DARS1: variants seen among roughly 807,000 people sequenced by gnomAD.
The protein encoded by DARS1 is aspartyl-tRNA synthetase 1.
Under a neutral mutation model 68.8 loss-of-function variants are expected in DARS1, and 51 were observed. The observed-to-expected ratio is 0.74, with a 90% CI of 0.59 to 0.94. DARS1 has a LOEUF of 0.94. Ranked by LOEUF, DARS1 falls within the 40% of genes least tolerant of loss-of-function variation. The pLI, the probability that DARS1 is intolerant of heterozygous loss-of-function variation, is 0.00. For synonymous variants in DARS1, 203 were observed against 190.4 expected (o/e 1.07, Z -0.55); for missense variants, 607 against 597.3 (o/e 1.02, Z -0.17).
At chr2:135,975,619 C>A (rs1682479903) in intron 3 of DARS1, among the ~76,000 whole-genome samples, 1 of 151,708 alleles carries the variant, frequency 6.6e-6, no homozygotes, top group South Asian at 2.1e-4. Flanking sequence ...CATGGTGAGA[C>A]CCTTGTCTCT....
intron 6 of DARS1, 121 bp from the exon 7 acceptor site, chr2:135,932,963 A>G: frequency 1.8e-6 from 1 of 570,302 alleles, no homozygotes; most frequent in South Asian, 2.5e-5. Flanking sequence ...CGTTAATATT[A>G]TGCCCGAAAA....
At chr2:135,975,062 C>T (rs940389845) in intron 3 of DARS1, among the ~76,000 whole-genome samples, 2 of 152,000 alleles carry the variant, frequency 1.3e-5, no homozygotes, top group Admixed American at 6.6e-5. Flanking sequence ...AACAATGATG[C>T]GGCCGGGCAT....
In DARS1 at chr2:135,909,330, C is replaced by A. The variant is rs187778429; in HGVS notation, c.1414+1809G>T. Among the ~76,000 whole-genome samples the A allele has an allele frequency of 3.4e-3, 510 of 152,096 alleles. 3 individuals are homozygous for A. The highest frequency in any genetic ancestry group is 0.027 in the South Asian group (132 of 4,804). ...CCATATGTAACGACCTTAACTGGTG[C>A]TATTTATTTTTAAAATTTTGCCCAG... is the stretch of plus-strand genomic sequence containing the variant. On this transcript the variant is annotated intron_variant, in intron 15 of 15. Coordinates refer to ENST00000264161, the MANE Select transcript of DARS1 (RefSeq NM_001349.4).
chr2:135,969,265 A>G (rs1682311745), intron 3 of DARS1, among the ~76,000 whole-genome samples: 1 of 152,192 alleles, frequency 6.6e-6, no homozygotes, highest in South Asian at 2.1e-4. Flanking sequence ...AAAGTATAAC[A>G]AGACATATTA....
chr2:135,970,593 GAACT>G (rs942754247), intron 3 of DARS1, among the ~76,000 whole-genome samples: 4 of 151,610 alleles, frequency 2.6e-5, no homozygotes, highest in Admixed American at 6.6e-5. Context: ...AAAATCAGAA[GAACT>G]AATAAAGATC....
intron 2 of DARS1, 90 bp from the exon 3 acceptor site, chr2:135,979,456 A>C (rs184020000): frequency 2.7e-6 from 2 of 730,242 alleles, no homozygotes; most frequent in East Asian, 2.7e-5. Context: ...GACAGCTAGC[A>C]TAAGTACTTG....
At chr2:135,937,549 T>C (rs1193952404) in intron 5 of DARS1, among the ~76,000 whole-genome samples, 4 of 152,192 alleles carry the variant, frequency 2.6e-5, no homozygotes, top group Admixed American at 2.6e-4. Context: ...TCTTTAAAAG[T>C]ACATCATCGT....
chr2:135,961,081 C>T (rs561305725), intron 4 of DARS1, among the ~76,000 whole-genome samples: 2 of 152,160 alleles, frequency 1.3e-5, no homozygotes, highest in African/African-American at 4.8e-5. Context: ...GGAAATGAAG[C>T]TCAACAAACA....
At chr2:135,972,311 G>A (rs1158032775) in intron 3 of DARS1, among the ~76,000 whole-genome samples, 2 of 152,166 alleles carry the variant, frequency 1.3e-5, no homozygotes, top group Non-Finnish European at 2.9e-5. Context: ...TGACAAAGGT[G>A]CCAATAACAT....
At chr2:135,939,956 A>G (rs2104816157) in intron 5 of DARS1, among the ~76,000 whole-genome samples, 1 of 152,356 alleles carries the variant, frequency 6.6e-6, no homozygotes, top group East Asian at 1.9e-4. Context: ...AGACTAAACC[A>G]GGAAGAAGCT....
intron 7 of DARS1, among the ~76,000 whole-genome samples, chr2:135,930,821 A>C (rs1480635213): frequency 1.3e-5 from 2 of 152,206 alleles, no homozygotes; most frequent in Non-Finnish European, 2.9e-5. Flanking sequence ...ATTCTGATCT[A>C]AAGGGAACTC....
Position 135,942,806 on chromosome 2 carries a change from TAG to T in DARS1, c.423+570_423+571del, listed in dbSNP as rs573320330. Among the ~76,000 whole-genome samples, 464 of 152,312 alleles carry T rather than the reference TAG, an allele frequency of 3.0e-3. 2 individuals are homozygous for T. Among genetic ancestry groups the T allele is most frequent in the African/African-American group, 0.01 (430 of 41,578 alleles). On this transcript the variant is annotated intron_variant, in intron 5 of 15. Coordinates refer to ENST00000264161, the MANE Select transcript of DARS1 (RefSeq NM_001349.4). ...TGTATTTTTCCCTATGTGGCTGTGG[TAG>T]ACTGTTTGCAAAAATGGCTGCAATA... is the stretch of plus-strand genomic sequence containing the variant.
intron 3 of DARS1, among the ~76,000 whole-genome samples, chr2:135,961,699 C>T (rs558454749): frequency 6.6e-6 from 1 of 152,182 alleles, no homozygotes; most frequent in Non-Finnish European, 1.5e-5. Context: ...ACTCAAGTTC[C>T]TATGATGAGT....
intron 5 of DARS1, among the ~76,000 whole-genome samples, chr2:135,936,694 T>G (rs1459876344): frequency 6.6e-6 from 1 of 152,230 alleles, no homozygotes; most frequent in Non-Finnish European, 1.5e-5. Context: ...TTTACTAGGT[T>G]ACAAACTTCC....
chr2:135,907,260 T>C lies in DARS1; in HGVS notation c.*56A>G. On this transcript the variant is annotated 3_prime_UTR_variant, in exon 16 of 16. Coordinates refer to ENST00000264161, the MANE Select transcript of DARS1 (RefSeq NM_001349.4). ...TGGCTTTCTTTTTTTTTTTTTTTTT[T>C]TGAGGCAGGGTCTCGCTCTGTCATC... 1.0e-6 allele frequency: 1 copy of C among 965,502 alleles called. No individual in the cohort carries two copies. Among genetic ancestry groups the C allele is most frequent in the Admixed American group, 2.7e-5 (1 of 36,998 alleles). 59.8% of individuals were successfully genotyped at this position (965,502 alleles called of 1,614,324 possible). A position where few individuals can be genotyped will look rare whatever the true frequency, so the allele number is the denominator to read the frequency against.
intron 12 of DARS1, 31 bp from the exon 13 acceptor site, chr2:135,912,597 A>AT: frequency 1.3e-6 from 1 of 763,650 alleles, no homozygotes. Flanking sequence ...ATTAAAATAC[A>AT]TTTTTAAAAA....
chr2:135,937,246 G>A (rs111600480), intron 5 of DARS1, among the ~76,000 whole-genome samples: 10 of 151,904 alleles, frequency 6.6e-5, no homozygotes, highest in African/African-American at 1.7e-4. Flanking sequence ...CTGCCACCAC[G>A]CCTGGCTAAT....
intron 7 of DARS1, 152 bp from the exon 8 acceptor site, chr2:135,924,650 T>G: frequency 8.1e-7 from 1 of 1,228,088 alleles, no homozygotes; most frequent in Non-Finnish European, 1.1e-6. Flanking sequence ...CACGAATAAA[T>G]ACAAGGCAAA....
At chr2:135,958,501 T>C (rs1355111909) in intron 4 of DARS1, among the ~76,000 whole-genome samples, 2 of 152,330 alleles carry the variant, frequency 1.3e-5, no homozygotes, top group South Asian at 2.1e-4. Flanking sequence ...AAAAAGTTCT[T>C]GCCGAAGTCT....
Sources: gnomAD v4.1 joint callset for allele counts (sites outside exome capture counted in the v4.1 genomes callset) on GRCh38, gnomAD v4.1.1 for gene constraint, MANE v1.5 for transcripts, NCBI Gene and HGNC (gene_info 2026-07-23, HGNC 2026-07-21) for gene names.